OSBPL10: variants seen among roughly 807,000 people sequenced by gnomAD.
OSBPL10 encodes oxysterol binding protein like 10, also known as oxysterol-binding protein-related protein 10.
A neutral mutation model predicts 81.7 loss-of-function variants in OSBPL10; 49 were observed. The observed-to-expected ratio is 0.60, with a 90% CI of 0.48 to 0.76. The LOEUF (loss-of-function observed/expected upper bound fraction) is 0.76. Among genes scored for constraint, OSBPL10 ranks in the 30% least tolerant of loss-of-function variants. The pLI, the probability that OSBPL10 is intolerant of heterozygous loss-of-function variation, is 0.00. For missense variants in OSBPL10, 923 were observed against 987.8 expected (o/e 0.93, Z 0.88); for synonymous variants, 419 against 383.6 (o/e 1.09, Z -1.08).
chr3:31,858,232 C>G (rs1048902422), intron 3 of OSBPL10, among the ~76,000 whole-genome samples: 1 of 152,064 alleles, frequency 6.6e-6, no homozygotes, highest in Admixed American at 6.6e-5. Flanking sequence ...AACTCCTGGG[C>G]TCAAGCAATC....
At chr3:31,902,033 A>C (rs890215152) in intron 1 of OSBPL10, among the ~76,000 whole-genome samples, 14 of 152,124 alleles carry the variant, frequency 9.2e-5, no homozygotes, top group African/African-American at 3.4e-4. Flanking sequence ...GTCTCCAAAA[A>C]ACAAAAGCAC....
At chr3:31,734,278 A>C (rs1340796139) in intron 5 of OSBPL10, among the ~76,000 whole-genome samples, 1 of 151,982 alleles carries the variant, frequency 6.6e-6, no homozygotes, top group East Asian at 1.9e-4. Flanking sequence ...ACCAAAAACC[A>C]TTTTTCGAAT....
intron 1 of OSBPL10, among the ~76,000 whole-genome samples, chr3:31,913,359 C>T (rs1189022749): frequency 2.0e-5 from 3 of 152,044 alleles, no homozygotes; most frequent in Admixed American, 6.6e-5. Flanking sequence ...AGCGATTCTC[C>T]TGCCTCAGCC....
intron 4 of OSBPL10, among the ~76,000 whole-genome samples, chr3:31,779,961 C>T (rs1037292695): frequency 6.6e-6 from 1 of 152,110 alleles, no homozygotes; most frequent in African/African-American, 2.4e-5. Flanking sequence ...TTTGAGTCAA[C>T]AATAAAATCA....
chr3:31,739,555 G>A (rs1018602296), intron 5 of OSBPL10, among the ~76,000 whole-genome samples: 5 of 152,196 alleles, frequency 3.3e-5, no homozygotes, highest in Admixed American at 3.3e-4. Flanking sequence ...TCTGATAAAA[G>A]AGGAAGAGAG....
At chr3:32,008,733 C>G (rs1396020929) in intron 2 of OSBPL10, among the ~76,000 whole-genome samples, 1 of 146,850 alleles carries the variant, frequency 6.8e-6, no homozygotes, top group Non-Finnish European at 1.5e-5. Context: ...ACACTCCAGC[C>G]TGGGAGACAG....
intron 2 of OSBPL10, among the ~76,000 whole-genome samples, chr3:31,994,302 AACTT>A (rs1473813095): frequency 1.3e-5 from 2 of 152,208 alleles, no homozygotes; most frequent in African/African-American, 4.8e-5. Flanking sequence ...ACTGTCCTAT[AACTT>A]ACTTGTGGCA....
intron 8 of OSBPL10, among the ~76,000 whole-genome samples, chr3:31,681,950 C>A (rs1700661026): frequency 6.6e-6 from 1 of 152,176 alleles, no homozygotes; most frequent in Admixed American, 6.5e-5. Context: ...AGCCCAATAC[C>A]CAGCCCTCAA....
At chr3:31,723,234 G>A (rs773338132) in intron 6 of OSBPL10, among the ~76,000 whole-genome samples, 8 of 152,206 alleles carry the variant, frequency 5.3e-5, no homozygotes, top group Non-Finnish European at 1.2e-4. Context: ...GAGATTGGGA[G>A]GGACAGGAGC....
chr3:31,990,939 A>G, intron 2 of OSBPL10: 1 of 1,575,758 alleles, frequency 6.3e-7, no homozygotes. Context: ...CCGGACAGAA[A>G]TCTTACAAAT....
intron 1 of OSBPL10, among the ~76,000 whole-genome samples, chr3:31,945,007 T>C (rs900316644): frequency 1.3e-5 from 2 of 151,400 alleles, no homozygotes; most frequent in Admixed American, 1.3e-4. Context: ...AAAAATTAGC[T>C]GGGCGTGGTG....
chr3:31,876,596 G>T, intron 2 of OSBPL10, 84 bp from the exon 3 acceptor site: 2 of 1,181,728 alleles, frequency 1.7e-6, no homozygotes, highest in Non-Finnish European at 2.5e-6. Context: ...CACCTAAGGG[G>T]GTGGGGAGCC....
At chr3:32,020,711 A>G (rs1202602667) in intron 2 of OSBPL10, among the ~76,000 whole-genome samples, 1 of 152,032 alleles carries the variant, frequency 6.6e-6, no homozygotes, top group African/African-American at 2.4e-5. Context: ...AAACATCTCC[A>G]GGAGAAAAAA....
chr3:32,049,651 T>C (rs749550714), intron 1 of OSBPL10, among the ~76,000 whole-genome samples: 79 of 152,368 alleles, frequency 5.2e-4, no homozygotes, highest in Non-Finnish European at 9.1e-4. Context: ...CTATGAGTTC[T>C]TAACCACTAT....
intron 3 of OSBPL10, among the ~76,000 whole-genome samples, chr3:31,858,303 C>T (rs149196235): frequency 6.8e-4 from 103 of 152,212 alleles, no homozygotes; most frequent in African/African-American, 2.4e-3. Context: ...GCCCAGCCCC[C>T]TATGTTTTTT....
intron 4 of OSBPL10, among the ~76,000 whole-genome samples, chr3:31,802,991 T>A (rs60358988): frequency 0.49 from 68,802 of 139,352 alleles, 17,381 homozygotes; most frequent in East Asian, 0.76. Context: ...TTTTTTTTTT[T>A]ACAGCATCTA....
At chr3:32,002,170 A>G (rs1024885349) in intron 2 of OSBPL10, among the ~76,000 whole-genome samples, 1 of 151,860 alleles carries the variant, frequency 6.6e-6, no homozygotes, top group Non-Finnish European at 1.5e-5. Context: ...TCATTCATTT[A>G]CTCGCCCATT....
At chr3:31,974,780 T>G (rs1387818690) in intron 1 of OSBPL10, among the ~76,000 whole-genome samples, 2 of 152,332 alleles carry the variant, frequency 1.3e-5, no homozygotes, top group East Asian at 3.9e-4. Context: ...GGCAGCTGTT[T>G]CTTAATCTGG....
intron 8 of OSBPL10, among the ~76,000 whole-genome samples, chr3:31,682,694 C>G (rs575972199): frequency 6.6e-6 from 1 of 152,352 alleles, no homozygotes; most frequent in South Asian, 2.1e-4. Context: ...CTTCAACTTA[C>G]CACACAATCC....
Sources: allele counts gnomAD v4.1 joint callset (sites outside exome capture counted in the v4.1 genomes callset), GRCh38; gene constraint gnomAD v4.1.1; transcripts MANE v1.5; gene names NCBI Gene and HGNC (gene_info 2026-07-23, HGNC 2026-07-21).